The following MS4A18 variants were observed in gnomAD, a reference collection of about 807,000 sequenced individuals.
The protein encoded by MS4A18 is membrane-spanning 4-domains subfamily A member 18.
In MS4A18, 27 loss-of-function variants were observed where a neutral mutation model predicts 13.1. The observed-to-expected ratio is 2.06, with a 90% CI of 1.52 to 2.84. The LOEUF is 2.84. MS4A18 is among the 30% of genes most tolerant of loss of function. The pLI is 0.00. For missense variants in MS4A18, 307 were observed against 196.4 expected (o/e 1.56, Z -3.37); for synonymous variants, 126 against 76.5 (o/e 1.65, Z -3.38).
At chr11:60,735,403 G>A (rs1370930068) in intron 2 of MS4A18, among the ~76,000 whole-genome samples, 1 of 147,550 alleles carries the variant, frequency 6.8e-6, no homozygotes, top group Non-Finnish European at 1.5e-5. Flanking sequence ...GCGCCATCTC[G>A]GCTCACTGCA....
At chr11:60,744,771 T>G (rs1273446517), downstream of MS4A18, among the ~76,000 whole-genome samples, 1 of 152,244 alleles carries the variant, frequency 6.6e-6, no homozygotes, top group East Asian at 1.9e-4. Flanking sequence ...ATGTTCAATG[T>G]TATTAGCCAT....
upstream of MS4A18, among the ~76,000 whole-genome samples, chr11:60,726,576 G>A (rs552486490): frequency 6.6e-6 from 1 of 152,190 alleles, no homozygotes; most frequent in South Asian, 2.1e-4. Context: ...TTTCCGACAA[G>A]TTCCCGGTGA....
chr11:60,732,500 C>T (rs944546756), intron 1 of MS4A18, among the ~76,000 whole-genome samples: 4 of 151,786 alleles, frequency 2.6e-5, no homozygotes, highest in Admixed American at 6.6e-5. Context: ...GAGGCCGAGG[C>T]GGGCGGTTCA....
upstream of MS4A18, chr11:60,729,284 C>G (rs1853212671): frequency 1.5e-6 from 1 of 686,480 alleles, no homozygotes; most frequent in Non-Finnish European, 2.7e-6. Context: ...GGGAAATGCA[C>G]CTTCTTATGT....
At chr11:60,728,784 C>T (rs1853205509), upstream of MS4A18, among the ~76,000 whole-genome samples, 1 of 151,914 alleles carries the variant, frequency 6.6e-6, no homozygotes, top group East Asian at 1.9e-4. Flanking sequence ...TTATTCTCTT[C>T]ACTCTACTAA....
chr11:60,737,008 G>T, exon 3 of MS4A18: 1 of 702,322 alleles, frequency 1.4e-6, no homozygotes, highest in South Asian at 1.5e-5. Flanking sequence ...CTCAGTATGG[G>T]CTGCAAAGGA....
chr11:60,733,645 TC>T lies in MS4A18; in HGVS notation c.591del (p.Tyr198IlefsTer20). On this transcript the variant is annotated frameshift_variant and splice_region_variant, in exon 2 of 6. Coordinates refer to ENST00000529108, the Ensembl canonical transcript of MS4A18. LOFTEE classifies it high-confidence loss of function. ...AGGGTACCCGCTCTGGGGAGGATTA[TC>T]CGTGAGTACAAGGCCATATGGTCTC... The T allele has an allele frequency of 1.4e-6, 1 of 703,628 alleles. No homozygotes were observed. The highest frequency in any genetic ancestry group is 2.6e-6 in the Non-Finnish European group (1 of 385,138). 43.6% of individuals were successfully genotyped at this position (703,628 alleles called of 1,614,324 possible). A position where few individuals can be genotyped will look rare whatever the true frequency, so the allele number is the denominator to read the frequency against.
At chr11:60,737,096 T>A in intron 3 of MS4A18, 62 bp downstream of exon 4, 1 of 698,860 alleles carries the variant, frequency 1.4e-6, no homozygotes, top group Admixed American at 2.0e-5. Flanking sequence ...CTACCAAACA[T>A]GAAAAAAGGA....
At chr11:60,742,971 C>T (rs776004181) in intron 5 of MS4A18, among the ~76,000 whole-genome samples, 17 of 152,200 alleles carry the variant, frequency 1.1e-4, no homozygotes, top group Non-Finnish European at 2.2e-4. Flanking sequence ...ATCATTTCTC[C>T]AGTCTGCTGT....
rs1401340819 is a variant in MS4A18 at position 60,729,805 on chromosome 11, T to C, written c.477+13T>C. The stretch of plus-strand genomic sequence containing the variant: ...ATTAGGGGTGAGTGTGATTTCTCCT[T>C]CTCTCCGATTTGGGTCACTTCATAA... On this transcript the variant is annotated intron_variant, in intron 1 of 5. Transcript: ENST00000529108. 4.4e-6 allele frequency: 3 copies of C among 677,438 alleles called. No homozygotes were observed. The highest frequency in any genetic ancestry group is 8.1e-6 in the Non-Finnish European group (3 of 371,576). The allele number at this position is 677,438 out of a possible 1,614,324, so 42.0% of individuals were successfully genotyped here. A position where few individuals can be genotyped will look rare whatever the true frequency, so the allele number is the denominator to read the frequency against.
At chr11:60,725,537 A>G (rs961478640), upstream of MS4A18, among the ~76,000 whole-genome samples, 1 of 152,144 alleles carries the variant, frequency 6.6e-6, no homozygotes, top group Non-Finnish European at 1.5e-5. Flanking sequence ...GGTCCCAGGA[A>G]CATCCCTCAT....
At chr11:60,744,680 AT>A (rs978992491), downstream of MS4A18, among the ~76,000 whole-genome samples, 1 of 152,230 alleles carries the variant, frequency 6.6e-6, no homozygotes, top group Non-Finnish European at 1.5e-5. Context: ...ATAAAAAAAA[AT>A]CTAATCACAA....
At chr11:60,737,021 C>T (rs1853352704) in exon 3 of MS4A18, 2 of 702,476 alleles carry the variant, frequency 2.8e-6, no homozygotes, top group African/African-American at 1.8e-5. Context: ...GCAAAGGACC[C>T]CAGTCCTTGT....
At position 60,735,101 on chromosome 11, in the gene MS4A18, T is replaced by C. The variant is rs77222068; in HGVS notation, c.591+1454T>C. Among the ~76,000 whole-genome samples the C allele has an allele frequency of 2.0e-5, 3 of 152,310 alleles. No individual in the cohort carries two copies. The East Asian group carries it at 5.8e-4, about 29-fold the overall frequency. On this transcript the variant is annotated intron_variant, in intron 2 of 5. Coordinates refer to ENST00000529108, the Ensembl canonical transcript of MS4A18. ...CCCAGCCTAACAATATGAATTTTCTTGGTGCTAGTAAACCAAACACTTGAA... is the reference window on the plus strand; with the variant it reads ...CCCAGCCTAACAATATGAATTTTCTCGGTGCTAGTAAACCAAACACTTGAA...
At chr11:60,738,467 T>C (rs994761450) in intron 3 of MS4A18, among the ~76,000 whole-genome samples, 13 of 152,278 alleles carry the variant, frequency 8.5e-5, no homozygotes, top group Non-Finnish European at 1.2e-4. Context: ...CTGAATCTCA[T>C]TGCCTACTCT....
At chr11:60,728,883 A>G (rs1409319955), upstream of MS4A18, among the ~76,000 whole-genome samples, 1 of 152,178 alleles carries the variant, frequency 6.6e-6, no homozygotes, top group Non-Finnish European at 1.5e-5. Context: ...CCTTGGGTCC[A>G]GTTCCAAATT....
rs1315316757 is a variant in MS4A18, at chr11:60,732,177, G to C, written c.478-1357G>C. 6.6e-5 allele frequency among the ~76,000 whole-genome samples: 10 copies of C among 152,222 alleles called. No individual in the cohort carries two copies. In the South Asian group the frequency reaches 2.1e-3, roughly 32 times the overall value. On this transcript the variant is annotated intron_variant, in intron 1 of 5. Transcript: ENST00000529108. ...GAGAGGGGATTCATCCTGGACGGGG[G>C]CTCAGGAAAAGAATCTCTCTGGTCC...
intron 1 of MS4A18, among the ~76,000 whole-genome samples, chr11:60,732,080 G>C (rs912973606): frequency 6.6e-6 from 1 of 152,126 alleles, no homozygotes; most frequent in Admixed American, 6.5e-5. Context: ...AGCTGCCCTA[G>C]GCTAGTCATT....
At chr11:60,735,661 CTTT>C (rs1167113182) in intron 2 of MS4A18, among the ~76,000 whole-genome samples, 2 of 90,106 alleles carry the variant, frequency 2.2e-5, no homozygotes, top group African/African-American at 1.0e-4. Flanking sequence ...CATTCCCTTG[CTTT>C]TTTTTTTTTT....
Sources: gnomAD v4.1 joint callset for allele counts (sites outside exome capture counted in the v4.1 genomes callset) on GRCh38, gnomAD v4.1.1 for gene constraint, MANE v1.5 for transcripts, NCBI Gene and HGNC (gene_info 2026-07-23, HGNC 2026-07-21) for gene names.